Variants in CECR2 observed in about 807,000 individuals in gnomAD.
The protein encoded by CECR2 is chromatin remodeling regulator CECR2.
CECR2 carries 30 observed loss-of-function variants against 154.5 expected under a neutral mutation model. That is an observed-to-expected ratio of 0.19 (90% confidence interval 0.15 to 0.26). CECR2 has a LOEUF of 0.26. Ranked by LOEUF, CECR2 falls within the 10% of genes least tolerant of loss-of-function variation. The pLI is 1.00. For synonymous variants in CECR2, 725 were observed against 683.7 expected (o/e 1.06, Z -0.94); for missense variants, 1,743 against 1,829.3 (o/e 0.95, Z 0.86).
chr22:17,541,448 AAAAG>A (rs2056520611), intron 14 of CECR2, among the ~76,000 whole-genome samples: 1 of 152,210 alleles, frequency 6.6e-6, no homozygotes, highest in Non-Finnish European at 1.5e-5. Flanking sequence ...CCGTCTCAAA[AAAAG>A]AAAAAAAAAT....
chr22:17,464,220 A>G (rs2054989896), intron 1 of CECR2, among the ~76,000 whole-genome samples: 1 of 152,190 alleles, frequency 6.6e-6, no homozygotes, highest in Non-Finnish European at 1.5e-5. Flanking sequence ...GAGACAGGTA[A>G]TTGCTTAGGC....
In CECR2 at chr22:17,518,229, G is replaced by A. The variant is rs553994133; in HGVS notation, c.955-5889G>A. On this transcript the variant is annotated intron_variant, in intron 8 of 18. Transcript: ENST00000262608. The stretch of plus-strand genomic sequence containing the variant: ...GTTTACATAAATTAAGTGATTAGGC[G>A]ACGCTTTGCATACGGTGTGCAGTAA... 2.0e-5 allele frequency among the ~76,000 whole-genome samples: 3 copies of A among 152,244 alleles called. 1 individual carries two copies. The highest frequency in any genetic ancestry group is 7.2e-5 in the African/African-American group (3 of 41,542).
intron 1 of CECR2, among the ~76,000 whole-genome samples, chr22:17,372,171 G>C (rs1405036038): frequency 6.6e-6 from 1 of 152,146 alleles, no homozygotes; most frequent in Non-Finnish European, 1.5e-5. Flanking sequence ...CAGGTTTTAA[G>C]AACTATCCAC....
At chr22:17,399,705 A>G (rs937466736) in intron 1 of CECR2, among the ~76,000 whole-genome samples, 3 of 152,048 alleles carry the variant, frequency 2.0e-5, no homozygotes, top group Admixed American at 6.6e-5. Flanking sequence ...ACCGCACCCA[A>G]CCTGTAATGG....
chr22:17,411,099 G>A (rs2054062527), intron 1 of CECR2, among the ~76,000 whole-genome samples: 1 of 152,156 alleles, frequency 6.6e-6, no homozygotes, highest in African/African-American at 2.4e-5. Flanking sequence ...GGATTCTAAA[G>A]TTCTTTGTCA....
intron 1 of CECR2, among the ~76,000 whole-genome samples, chr22:17,402,458 G>C (rs1006589332): frequency 6.6e-6 from 1 of 152,322 alleles, no homozygotes; most frequent in African/African-American, 2.4e-5. Context: ...TAAGACTACT[G>C]TGCTGATGTA....
intron 8 of CECR2, among the ~76,000 whole-genome samples, chr22:17,516,822 G>A (rs1311850100): frequency 2.0e-5 from 3 of 151,124 alleles, no homozygotes; most frequent in Admixed American, 1.3e-4. Context: ...TTGAACACCC[G>A]ACCTCAGGTG....
intron 1 of CECR2, among the ~76,000 whole-genome samples, chr22:17,434,774 A>G (rs1227078127): frequency 6.6e-6 from 1 of 152,070 alleles, no homozygotes; most frequent in African/African-American, 2.4e-5. Context: ...ACTGCTGTTC[A>G]GAATAAAGGC....
rs2056009336 is a variant in CECR2 at position 17,514,139 on chromosome 22, T to TA, written c.954+2243_954+2244insA. Among the ~76,000 whole-genome samples, 4 of 152,338 alleles carry TA rather than the reference T, an allele frequency of 2.6e-5. No individual in the cohort carries two copies. The South Asian group carries it at 8.3e-4, about 32-fold the overall frequency. On this transcript the variant is annotated intron_variant, in intron 8 of 18. Transcript: ENST00000262608. ...AAACTTATTGCCTGATAAAAGACTT[T>TA]GAGTTGTGACTTCTTGGGGAAAATA...
At chr22:17,378,366 G>A (rs1213245818) in intron 1 of CECR2, among the ~76,000 whole-genome samples, 10 of 149,442 alleles carry the variant, frequency 6.7e-5, no homozygotes, top group East Asian at 3.9e-4. Flanking sequence ...GCACGATCTC[G>A]GCTCACTGCA....
chr22:17,376,030 T>G (rs972680873), intron 1 of CECR2, among the ~76,000 whole-genome samples: 28 of 151,918 alleles, frequency 1.8e-4, no homozygotes, highest in African/African-American at 5.8e-4. Context: ...ATAAAATGCC[T>G]TCTAAAGATT....
intron 9 of CECR2, among the ~76,000 whole-genome samples, chr22:17,536,204 C>T (rs1417276839): frequency 3.9e-5 from 6 of 152,076 alleles, no homozygotes; most frequent in Admixed American, 2.6e-4. Flanking sequence ...GCCGAGGTGG[C>T]GCCATTACAC....
intron 9 of CECR2, among the ~76,000 whole-genome samples, chr22:17,535,748 T>A (rs536087305): frequency 3.9e-5 from 6 of 152,230 alleles, no homozygotes; most frequent in African/African-American, 1.4e-4. Flanking sequence ...AAATAATTTT[T>A]AAAAATTTAA....
chr22:17,396,390 A>T (rs931643607), intron 1 of CECR2, among the ~76,000 whole-genome samples: 16 of 152,212 alleles, frequency 1.1e-4, no homozygotes, highest in African/African-American at 3.6e-4. Flanking sequence ...ACTACGAAAT[A>T]CAAAAATTAG....
intron 1 of CECR2, among the ~76,000 whole-genome samples, chr22:17,412,085 C>A (rs140942402): frequency 4.6e-4 from 70 of 152,106 alleles, no homozygotes; most frequent in Admixed American, 5.2e-4. Context: ...CTCAAAGTCA[C>A]GTACTGGTAA....
intron 17 of CECR2, chr22:17,550,178 C>T (rs1410464325): frequency 2.0e-5 from 3 of 151,942 alleles, no homozygotes; most frequent in African/African-American, 7.3e-5. Context: ...GATTAAGTCT[C>T]ACTCTGTGGC....
At position 17,543,289 on chromosome 22, in the gene CECR2, C is replaced by A. The variant is rs533885656; in HGVS notation, c.2860+286C>A. ...CTGGGACTACAGGCACCCGCCACCA[C>A]GCCCGGCTAATTTTTTTGGTATTTT... On this transcript the variant is annotated intron_variant, in intron 16 of 18. Transcript: ENST00000262608. Among the ~76,000 whole-genome samples, 3 of 152,154 alleles carry A rather than the reference C, an allele frequency of 2.0e-5. No homozygotes were observed. In the East Asian group the frequency reaches 5.8e-4, roughly 29 times the overall value.
intron 1 of CECR2, among the ~76,000 whole-genome samples, chr22:17,417,019 C>CT (rs11306557): frequency 0.013 from 1,829 of 142,192 alleles, 14 homozygotes; most frequent in Middle Eastern, 0.044. Context: ...TTGTCAGATT[C>CT]TTTTTTTTTT....
At chr22:17,545,662 G>A (rs1340726287) in intron 16 of CECR2, among the ~76,000 whole-genome samples, 2 of 151,876 alleles carry the variant, frequency 1.3e-5, no homozygotes, top group East Asian at 3.9e-4. Flanking sequence ...GGCCAACATG[G>A]TGAAACTCTG....
Sources: gnomAD v4.1 joint callset for allele counts (sites outside exome capture counted in the v4.1 genomes callset) on GRCh38, gnomAD v4.1.1 for gene constraint, MANE v1.5 for transcripts, NCBI Gene and HGNC (gene_info 2026-07-23, HGNC 2026-07-21) for gene names.